FGFR1: variants seen among roughly 807,000 people sequenced by gnomAD.
The protein encoded by FGFR1 is FGFR1/PLAG1 fusion.
FGFR1 carries 18 observed loss-of-function variants against 93.7 expected under a neutral mutation model. That is an observed-to-expected ratio of 0.19 (90% CI 0.13 to 0.28). The LOEUF (loss-of-function observed/expected upper bound fraction) is 0.28, where lower values mean the gene tolerates loss of function less well. Ranked by LOEUF, FGFR1 falls within the 10% of genes least tolerant of loss-of-function variation. The pLI is 1.00. For synonymous variants in FGFR1, 448 were observed against 429.3 expected, an observed-to-expected ratio of 1.04 and a Z score of -0.54; for missense variants, 731 against 1,080.4, an observed-to-expected ratio of 0.68 and a Z score of 4.53.
chr8:38,459,780 C>G (rs990139577), intron 1 of FGFR1, among the ~76,000 whole-genome samples: 4 of 152,084 alleles, frequency 2.6e-5, no homozygotes, highest in Admixed American at 6.6e-5. Flanking sequence ...ATTGATCAAG[C>G]CTGACTCCAT....
intron 1 of FGFR1, 39 bp downstream of exon 1, chr8:38,467,942 C>T: frequency 4.6e-6 from 1 of 216,570 alleles, no homozygotes; most frequent in African/African-American, 2.2e-5. Context: ...GCTCGGGACG[C>T]CAAGCCCGCC....
rs1006118194 is a variant in FGFR1 at position 38,468,602 on chromosome 8, G to C, written c.-710C>G. 1 of 229,786 alleles carries C rather than the reference G, an allele frequency of 4.4e-6. No individual in the cohort carries two copies. The highest frequency in any genetic ancestry group is 6.1e-5 in the East Asian group (1 of 16,456). 14.2% of individuals were successfully genotyped at this position (229,786 alleles called of 1,614,324 possible). A position where few individuals can be genotyped will look rare whatever the true frequency, so the allele number is the denominator to read the frequency against. ...TGCCGCCCGCCGCCGAGGACGCCGC[G>C]CCTGTGGCCGCAAGAGCGCTCCGAG... On this transcript the variant is annotated 5_prime_UTR_variant, in exon 1 of 18. Transcript: ENST00000447712.
At chr8:38,443,628 G>T (rs982538848) in intron 2 of FGFR1, among the ~76,000 whole-genome samples, 3 of 152,058 alleles carry the variant, frequency 2.0e-5, no homozygotes, top group African/African-American at 7.2e-5. Flanking sequence ...AGCTGAGATA[G>T]CAACACTGCA....
In FGFR1 at chr8:38,457,645, C is replaced by T. The variant is rs576769988; in HGVS notation, c.-88-111G>A. 4 of 1,060,900 alleles carry T rather than the reference C, an allele frequency of 3.8e-6. No individual in the cohort carries two copies. In the East Asian group the frequency reaches 7.8e-5, roughly 21 times the overall value. The allele number at this position is 1,060,900 out of a possible 1,614,324, so 65.7% of individuals were successfully genotyped here. A position where few individuals can be genotyped will look rare whatever the true frequency, so the allele number is the denominator to read the frequency against. On this transcript the variant is annotated intron_variant, in intron 1 of 17. Coordinates refer to ENST00000447712, the MANE Select transcript of FGFR1 (RefSeq NM_023110.3). Reference sequence around the variant, plus strand: ...GGTGGCTGCTTAAAGTGTGGACTTACTAAGGCGTCCAGAAGAAAATTGTGA... The same window carrying T: ...GGTGGCTGCTTAAAGTGTGGACTTATTAAGGCGTCCAGAAGAAAATTGTGA...
chr8:38,445,623 C>A (rs1322330646), intron 2 of FGFR1, among the ~76,000 whole-genome samples: 6 of 152,108 alleles, frequency 3.9e-5, no homozygotes, highest in African/African-American at 1.4e-4. Context: ...ACTGCAACCT[C>A]CGCCTCCTGG....
intron 2 of FGFR1, among the ~76,000 whole-genome samples, chr8:38,444,234 A>G (rs1828559351): frequency 1.3e-5 from 2 of 152,172 alleles, no homozygotes; most frequent in South Asian, 4.1e-4. Flanking sequence ...TGTTCCACGA[A>G]TTTCCAGGAG....
At chr8:38,441,656 G>A (rs1827527738) in intron 2 of FGFR1, among the ~76,000 whole-genome samples, 1 of 152,212 alleles carries the variant, frequency 6.6e-6, no homozygotes, top group African/African-American at 2.4e-5. Context: ...AAAGGTAGAT[G>A]CCCTGCGGCT....
chr8:38,463,982 G>C (rs1253963296), intron 1 of FGFR1, among the ~76,000 whole-genome samples: 1 of 151,566 alleles, frequency 6.6e-6, no homozygotes, highest in East Asian at 1.9e-4. Flanking sequence ...AAAAAAAAAA[G>C]TGTCTAAATG....
chr8:38,445,839 G>GC, intron 2 of FGFR1, among the ~76,000 whole-genome samples: 1 of 151,902 alleles, frequency 6.6e-6, no homozygotes, highest in Admixed American at 6.6e-5. Context: ...GTGCCTGGCC[G>GC]CAAGTGACAC....
At chr8:38,422,963 C>T in intron 7 of FGFR1, 1 of 766,198 alleles carries the variant, frequency 1.3e-6, no homozygotes, top group Non-Finnish European at 2.4e-6. Flanking sequence ...TCCCCGCCTG[C>T]CCCAGCAGCT....
chr8:38,432,361 G>A lies in FGFR1; in HGVS notation c.92-2413C>T, dbSNP rs547214159. 1.3e-4 allele frequency among the ~76,000 whole-genome samples: 20 copies of A among 151,954 alleles called. 1 individual carries two copies. In the South Asian group the frequency reaches 4.2e-3, roughly 32 times the overall value. ...AGACCCCGGTTCCCTTCCAAACGTGGCTCAGGTATGCTCTGTCCTATCCCT... is the reference window on the plus strand; with the variant it reads ...AGACCCCGGTTCCCTTCCAAACGTGACTCAGGTATGCTCTGTCCTATCCCT... On this transcript the variant is annotated intron_variant, in intron 2 of 17. Coordinates refer to ENST00000447712, the MANE Select transcript of FGFR1 (RefSeq NM_023110.3).
At chr8:38,462,951 C>T (rs1174613342) in intron 1 of FGFR1, among the ~76,000 whole-genome samples, 2 of 138,812 alleles carry the variant, frequency 1.4e-5, no homozygotes, top group East Asian at 2.2e-4. Flanking sequence ...GTCCCCCAGG[C>T]TGGAATGCAG....
intron 2 of FGFR1, among the ~76,000 whole-genome samples, chr8:38,443,577 G>A (rs1156967350): frequency 1.3e-5 from 2 of 152,072 alleles, no homozygotes; most frequent in Non-Finnish European, 2.9e-5. Flanking sequence ...GGAGGCTGAG[G>A]TGGGAGGATC....
rs933472102 is a variant in FGFR1 at position 38,413,362 on chromosome 8, G to T, written c.*266C>A. The T allele has an allele frequency of 1.5e-5, 8 of 528,900 alleles. No individual in the cohort carries two copies. The African/African-American group carries it at 1.5e-4, about 10-fold the overall frequency. 32.8% of individuals were successfully genotyped at this position (528,900 alleles called of 1,614,324 possible). A position where few individuals can be genotyped will look rare whatever the true frequency, so the allele number is the denominator to read the frequency against. ...CCAGGCAGTGCCTGGTGGCAGGGAG[G>T]GGTGTTGGTCCAACATCTGGGAGGG... On this transcript the variant is annotated 3_prime_UTR_variant, in exon 18 of 18. Transcript: ENST00000447712. The surrounding 1 kb of genome is among the most constrained non-coding windows in gnomAD (Gnocchi z 4.2).
At chr8:38,414,651 T>G (rs201846022) in intron 14 of FGFR1, 22 bp from the exon 15 acceptor site, 5 of 1,612,228 alleles carry the variant, frequency 3.1e-6, no homozygotes, top group African/African-American at 1.3e-5. Flanking sequence ...ACAGGGGAGG[T>G]TGGAGTGGCC....
In FGFR1 at chr8:38,426,114, C is replaced by T. The variant is rs2150856866; in HGVS notation, c.745+8G>A. The T allele has an allele frequency of 6.2e-7, 1 of 1,614,138 alleles. No homozygotes were observed. The highest frequency in any genetic ancestry group is 8.5e-7 in the Non-Finnish European group (1 of 1,180,024). ...AACTCATTCCTCCTGCTGCCTCTGC[C>T]CTCTTACCCACGACATCCAGCTGGT... On this transcript the variant is annotated splice_region_variant and intron_variant, in intron 6 of 17. Coordinates refer to ENST00000447712, the MANE Select transcript of FGFR1 (RefSeq NM_023110.3). This position sits in a 1 kb window ranked among gnomAD's most constrained non-coding sequence, Gnocchi z 4.1.
chr8:38,437,505 A>G (rs1047654103), intron 2 of FGFR1, among the ~76,000 whole-genome samples: 1 of 152,326 alleles, frequency 6.6e-6, no homozygotes, highest in African/African-American at 2.4e-5. Flanking sequence ...AAACATAAAG[A>G]AAAGTATCAG....
chr8:38,460,908 G>A (rs368270173), intron 1 of FGFR1, among the ~76,000 whole-genome samples: 21 of 152,152 alleles, frequency 1.4e-4, no homozygotes, highest in Non-Finnish European at 2.9e-4. Flanking sequence ...ACAGATAGAT[G>A]TAACCTGCAG....
chr8:38,467,299 T>C (rs1360721807), intron 1 of FGFR1, among the ~76,000 whole-genome samples: 1 of 151,552 alleles, frequency 6.6e-6, no homozygotes, highest in Non-Finnish European at 1.5e-5. Flanking sequence ...TTTTTCGCTC[T>C]CAGCTCAAGC....
Sources: gnomAD v4.1 joint callset for allele counts (sites outside exome capture counted in the v4.1 genomes callset) on GRCh38, gnomAD v4.1.1 for gene constraint, Gnocchi (gnomAD v3.1) non-coding constraint, MANE v1.5 for transcripts, NCBI Gene and HGNC (gene_info 2026-07-23, HGNC 2026-07-21) for gene names.